Variants in COL6A6 observed in about 807,000 individuals in gnomAD.
The protein encoded by COL6A6 is collagen type VI alpha 6 chain.
COL6A6 carries 183 observed loss-of-function variants against 208.6 expected under a neutral mutation model. That is an observed-to-expected ratio of 0.88 (90% CI 0.78 to 0.99). The LOEUF (loss-of-function observed/expected upper bound fraction) is 0.99. Ranked by LOEUF, COL6A6 falls within the 50% of genes least tolerant of loss-of-function variation. The pLI is 0.00. For missense variants in COL6A6, 2,816 were observed against 2,815.2 expected, an observed-to-expected ratio of 1.00 and a Z score of -0.01; for synonymous variants, 973 against 1,011.8, an observed-to-expected ratio of 0.96 and a Z score of 0.73.
chr3:130,558,340 A>C (rs1340498654), intron 1 of COL6A6, among the ~76,000 whole-genome samples: 1 of 152,162 alleles, frequency 6.6e-6, no homozygotes, highest in Non-Finnish European at 1.5e-5. Flanking sequence ...CCCCATGCAC[A>C]CACAAAGTCA....
At chr3:130,530,015 G>A (rs2062046427) in intron 1 of COL6A6, among the ~76,000 whole-genome samples, 1 of 152,162 alleles carries the variant, frequency 6.6e-6, no homozygotes. Flanking sequence ...CAAATCCTGA[G>A]GCTCACCATG....
chr3:130,583,833 G>A (rs989799976), intron 10 of COL6A6, among the ~76,000 whole-genome samples: 2 of 152,022 alleles, frequency 1.3e-5, no homozygotes, highest in African/African-American at 2.4e-5. Context: ...TATCTCTCTC[G>A]CTGGCTTCCC....
At chr3:130,610,088 A>G (rs2064310536) in intron 22 of COL6A6, among the ~76,000 whole-genome samples, 2 of 150,374 alleles carry the variant, frequency 1.3e-5, no homozygotes, top group South Asian at 2.1e-4. Context: ...CTTCCATTTT[A>G]TAGAAACTTA....
chr3:130,584,643 C>T (rs1265372640), intron 10 of COL6A6, among the ~76,000 whole-genome samples: 3 of 151,672 alleles, frequency 2.0e-5, no homozygotes, highest in Admixed American at 6.6e-5. Context: ...GAGATGGAGT[C>T]TTGCCCTGTT....
intron 35 of COL6A6, among the ~76,000 whole-genome samples, chr3:130,663,277 C>T (rs2065983915): frequency 6.6e-6 from 1 of 152,072 alleles, no homozygotes; most frequent in African/African-American, 2.4e-5. Context: ...GACTCTAGAA[C>T]CAGTAGTACC....
intron 28 of COL6A6, among the ~76,000 whole-genome samples, chr3:130,641,237 A>G (rs2065300167): frequency 1.3e-5 from 2 of 152,204 alleles, no homozygotes; most frequent in Admixed American, 1.3e-4. Context: ...AACAACAAAC[A>G]GTAAGGGACT....
At chr3:130,609,880 C>T (rs990296254) in intron 22 of COL6A6, among the ~76,000 whole-genome samples, 1 of 151,906 alleles carries the variant, frequency 6.6e-6, no homozygotes, top group African/African-American at 2.4e-5. Context: ...GCACAGTCTT[C>T]CCCTTGGACC....
chr3:130,655,882 C>T (rs893024425), intron 33 of COL6A6, among the ~76,000 whole-genome samples: 8 of 152,196 alleles, frequency 5.3e-5, no homozygotes, highest in African/African-American at 1.9e-4. Flanking sequence ...CAGCCTGAAT[C>T]TCATACCTGC....
intron 20 of COL6A6, among the ~76,000 whole-genome samples, chr3:130,601,814 A>G (rs2064030051): frequency 6.6e-6 from 1 of 152,230 alleles, no homozygotes; most frequent in Admixed American, 6.5e-5. Flanking sequence ...GAGAATAACC[A>G]CAGCTTCAAG....
intron 24 of COL6A6, 80 bp from the exon 25 acceptor site, chr3:130,626,405 G>C (rs1241563048): frequency 2.0e-6 from 2 of 997,770 alleles, no homozygotes; most frequent in African/African-American, 1.6e-5. Flanking sequence ...ACCCATTGTT[G>C]TGTGTGATCC....
intron 11 of COL6A6, among the ~76,000 whole-genome samples, chr3:130,587,389 G>T (rs2063567393): frequency 1.3e-5 from 2 of 152,178 alleles, no homozygotes; most frequent in Admixed American, 1.3e-4. Context: ...AGCCTCCCGA[G>T]TAGCTGGGAT....
At chr3:130,615,565 T>C (rs1303576477) in intron 23 of COL6A6, among the ~76,000 whole-genome samples, 3 of 152,218 alleles carry the variant, frequency 2.0e-5, no homozygotes, top group Admixed American at 2.0e-4. Flanking sequence ...TGTGAAGATA[T>C]TTGTTTTTAA....
At chr3:130,634,696 C>A in intron 27 of COL6A6, 71 bp downstream of exon 27, 1 of 1,120,976 alleles carries the variant, frequency 8.9e-7, no homozygotes, top group Non-Finnish European at 1.3e-6. Flanking sequence ...GTATCCTAGG[C>A]CAGTAGAAGA....
At chr3:130,552,219 A>T (rs1158456909) in intron 1 of COL6A6, among the ~76,000 whole-genome samples, 1 of 152,150 alleles carries the variant, frequency 6.6e-6, no homozygotes. Context: ...TGATCTGTCT[A>T]ATACTGGCAG....
chr3:130,618,690 C>T (rs1218441535), intron 23 of COL6A6, among the ~76,000 whole-genome samples: 1 of 152,220 alleles, frequency 6.6e-6, no homozygotes, highest in Non-Finnish European at 1.5e-5. Context: ...TCACAAACCT[C>T]ACTTTGGTAC....
At chr3:130,603,971 G>A (rs942238104) in intron 20 of COL6A6, among the ~76,000 whole-genome samples, 3 of 152,174 alleles carry the variant, frequency 2.0e-5, no homozygotes, top group Non-Finnish European at 4.4e-5. Context: ...CTTTCCTGAC[G>A]TGCCCATTCA....
At position 130,599,777 on chromosome 3, in the gene COL6A6, C is replaced by T. The variant is rs112135798; in HGVS notation, c.4620C>T (p.Gly1540=). Residue 1540 remains glycine, a synonymous_variant, in exon 20 of 37, where the codon GGC becomes GGT. Coordinates refer to ENST00000358511, the MANE Select transcript of COL6A6 (RefSeq NM_001102608.3). ...GACAGGGCAGAAGAGGCTGGCCAGGCCCCCCCGGGACACCAGGCTCCAGAA... is the reference window on the plus strand; with the variant it reads ...GACAGGGCAGAAGAGGCTGGCCAGGTCCCCCCGGGACACCAGGCTCCAGAA... ...RGRQGRRGWP[G]PPGTPGSRRK... 3.1e-6 allele frequency: 5 copies of T among 1,610,054 alleles called. No homozygotes were observed. The highest frequency in any genetic ancestry group is 1.7e-4 in the Middle Eastern group (1 of 6,048).
At chr3:130,667,757 T>G (rs1301286734) in intron 36 of COL6A6, among the ~76,000 whole-genome samples, 1 of 151,844 alleles carries the variant, frequency 6.6e-6, no homozygotes, top group African/African-American at 2.4e-5. Flanking sequence ...GCCTTGGACT[T>G]TAAGGAAAGC....
chr3:130,618,092 G>T (rs1469918507), intron 23 of COL6A6, among the ~76,000 whole-genome samples: 1 of 152,140 alleles, frequency 6.6e-6, no homozygotes. Context: ...TATGCATCAA[G>T]TTTGGAGAGC....
Sources: gnomAD v4.1 joint callset for allele counts (sites outside exome capture counted in the v4.1 genomes callset) on GRCh38, gnomAD v4.1.1 for gene constraint, MANE v1.5 for transcripts, NCBI Gene and HGNC (gene_info 2026-07-23, HGNC 2026-07-21) for gene names.